EPHX3: variants seen among roughly 807,000 people sequenced by gnomAD.
The protein encoded by EPHX3 is epoxide hydrolase 3, also known as abhydrolase domain containing 9.
Under a neutral mutation model 40.2 loss-of-function variants are expected in EPHX3, and 39 were observed. The ratio of observed to expected loss-of-function variants is 0.97; its 90% confidence interval spans 0.75 to 1.27. The LOEUF (loss-of-function observed/expected upper bound fraction) is 1.27. Ranked by LOEUF, EPHX3 falls within the 50% of genes most tolerant of loss-of-function variation. The pLI is 0.00. For synonymous variants in EPHX3, 213 were observed against 209.7 expected (o/e 1.02, Z -0.14); for missense variants, 442 against 474.0 (o/e 0.93, Z 0.63).
upstream of EPHX3, chr19:15,235,555 T>C (rs2047186280): frequency 7.6e-6 from 1 of 130,866 alleles, no homozygotes; most frequent in Admixed American, 8.3e-5. Context: ...ATTTTTGCAA[T>C]GAGAACTGCA....
rs1555733580 is a variant in EPHX3, at chr19:15,231,790, G to A, written c.315C>T (p.Gly105=). 1.2e-5 allele frequency: 20 copies of A among 1,613,978 alleles called. No homozygotes were observed. The highest frequency in any genetic ancestry group is 3.3e-5 in the Admixed American group (2 of 60,028). ...GNGPLMLFLH[G]FPENWFSWRY... ...CCCAGACGTACCAGTTCTCAGGGAAGCCGTGCAGAAACAGCATGAGGGGTC... is the reference window on the plus strand; with the variant it reads ...CCCAGACGTACCAGTTCTCAGGGAAACCGTGCAGAAACAGCATGAGGGGTC... Residue 105 remains glycine, a synonymous_variant, in exon 2 of 7, where the codon GGC becomes GGT. Transcript: ENST00000221730.
chr19:15,236,760 G>A, upstream of EPHX3: 1 of 176,064 alleles, frequency 5.7e-6, no homozygotes, highest in East Asian at 9.6e-5. Flanking sequence ...TACAGAGGTG[G>A]TCTGGGGTCC....
upstream of EPHX3, chr19:15,233,535 A>G (rs937228089): frequency 1.3e-5 from 2 of 152,184 alleles, no homozygotes; most frequent in African/African-American, 4.8e-5. Context: ...ACTGATGTTC[A>G]AGCGACAGGT....
intron 4 of EPHX3, among the ~76,000 whole-genome samples, chr19:15,230,416 C>T (rs925425190): frequency 1.1e-4 from 16 of 152,242 alleles, no homozygotes; most frequent in Non-Finnish European, 1.3e-4. Flanking sequence ...AGCAATCCAC[C>T]GGCTTTGGCC....
At chr19:15,231,684 G>A (rs2047155269) in intron 2 of EPHX3, 92 bp downstream of exon 2, 34 of 1,343,204 alleles carry the variant, frequency 2.5e-5, no homozygotes, top group Non-Finnish European at 3.6e-5. Context: ...AGCTTGTCCC[G>A]ATCTATACAG....
upstream of EPHX3, among the ~76,000 whole-genome samples, chr19:15,232,715 A>T (rs2047164753): frequency 6.6e-6 from 1 of 151,992 alleles, no homozygotes; most frequent in African/African-American, 2.4e-5. Context: ...CGTCTCTACT[A>T]AAAATACAAA....
chr19:15,231,461 C>G, intron 2 of EPHX3, 65 bp from the exon 3 acceptor site: 1 of 1,552,868 alleles, frequency 6.4e-7, no homozygotes, highest in Non-Finnish European at 8.7e-7. Flanking sequence ...ACCCTACGCA[C>G]ATCAGCAACC....
chr19:15,235,346 C>G (rs970894066), upstream of EPHX3, among the ~76,000 whole-genome samples: 8 of 152,058 alleles, frequency 5.3e-5, no homozygotes, highest in African/African-American at 1.9e-4. Context: ...AATTATCTCA[C>G]AATTTGATGT....
At position 15,232,041 on chromosome 19, in the gene EPHX3, C is replaced by T. The variant is rs1463144204; in HGVS notation, c.171G>A (p.Gly57=). Residue 57 remains glycine, a synonymous_variant, in exon 1 of 7, where the codon GGG becomes GGA. Coordinates refer to ENST00000221730, the MANE Select transcript of EPHX3 (RefSeq NM_024794.3). The part of the protein sequence containing the change: ...VLCRPRRGCC[G]RRRSASPACL... ...AGGCGGGGGACGCGCTCCGACGGCGCCCGCAGCAGCCGCGCCGGGGCCGGC... is the reference window on the plus strand; with the variant it reads ...AGGCGGGGGACGCGCTCCGACGGCGTCCGCAGCAGCCGCGCCGGGGCCGGC... The T allele has an allele frequency of 1.3e-6, 2 of 1,584,178 alleles. No individual in the cohort carries two copies. The highest frequency in any genetic ancestry group is 2.3e-5 in the East Asian group (1 of 44,048).
upstream of EPHX3, among the ~76,000 whole-genome samples, chr19:15,234,858 C>G (rs547073234): frequency 2.2e-4 from 34 of 152,222 alleles, no homozygotes; most frequent in Non-Finnish European, 4.7e-4. Context: ...TGTTCTGCCT[C>G]AGTGAACAAT....
At chr19:15,235,247 C>T (rs1438778226), upstream of EPHX3, among the ~76,000 whole-genome samples, 1 of 152,122 alleles carries the variant, frequency 6.6e-6, no homozygotes. Context: ...CTCAAGCGAT[C>T]CTCCCACCCC....
upstream of EPHX3, chr19:15,236,966 G>C (rs746780898): frequency 9.9e-6 from 2 of 202,718 alleles, no homozygotes; most frequent in Non-Finnish European, 2.0e-5. Context: ...GTGGTGTAGA[G>C]TGGGTTCTCA....
At chr19:15,233,898 A>C (rs916161514), upstream of EPHX3, among the ~76,000 whole-genome samples, 7 of 152,250 alleles carry the variant, frequency 4.6e-5, no homozygotes, top group African/African-American at 1.7e-4. Context: ...GTCTCTACTA[A>C]AAATACAAAA....
chr19:15,227,986 AC>A lies in EPHX3; in HGVS notation c.720+10del, dbSNP rs756348690. The A allele has an allele frequency of 2.5e-6, 4 of 1,613,404 alleles. No individual in the cohort carries two copies. Among genetic ancestry groups the A allele is most frequent in the Non-Finnish European group, 3.4e-6 (4 of 1,179,916 alleles). On this transcript the variant is annotated intron_variant, in intron 5 of 6. Transcript: ENST00000221730. ...TGCTTCCCTCCTCCCTTCAACCTGC[AC>A]CCTCTGTACCTGAAAGTCAGACATA...
upstream of EPHX3, chr19:15,233,420 G>A (rs904784137): frequency 1.3e-5 from 2 of 152,472 alleles, no homozygotes; most frequent in Admixed American, 6.5e-5. Flanking sequence ...ACCCAGCTGT[G>A]GTTCCAACGG....
Position 15,232,024 on chromosome 19 carries a change from G to A in EPHX3, c.188C>T (p.Ser63Phe), listed in dbSNP as rs1340398959. The change falls in exon 1 of 7, where the codon TCC (serine) becomes TTC (phenylalanine). Residue 63 changes from serine (S) to phenylalanine (F), a missense_variant. Transcript: ENST00000221730. ...CGAGGGGTCGCTCAGGCAGGCGGGG[G>A]ACGCGCTCCGACGGCGCCCGCAGCA... ...RGCCGRRRSA[S>F]PACLSDPSLG... 4.4e-6 allele frequency: 7 copies of A among 1,593,552 alleles called. No individual in the cohort carries two copies. Among genetic ancestry groups the A allele is most frequent in the East Asian group, 2.3e-5 (1 of 44,410 alleles).
At chr19:15,232,742 T>C (rs1290358981), upstream of EPHX3, among the ~76,000 whole-genome samples, 1 of 151,998 alleles carries the variant, frequency 6.6e-6, no homozygotes, top group African/African-American at 2.4e-5. Context: ...CTGGGCGTGG[T>C]GGCGGGCGCC....
Position 15,231,964 on chromosome 19 carries a change from A to C in EPHX3, c.243+5T>G. On this transcript the variant is annotated splice_donor_5th_base_variant and intron_variant, in intron 1 of 6. Coordinates refer to ENST00000221730, the MANE Select transcript of EPHX3 (RefSeq NM_024794.3). The stretch of plus-strand genomic sequence containing the variant: ...GCAGCCCCGATAGCGCCCCCGTGCG[A>C]TCACCTTGAGGTTCAGGAAACCGTG... 1 of 1,612,136 alleles carries C rather than the reference A, an allele frequency of 6.2e-7. No homozygotes were observed. Among genetic ancestry groups the C allele is most frequent in the Middle Eastern group, 1.6e-4 (1 of 6,062 alleles).
In EPHX3 at chr19:15,232,126, A is replaced by G. The variant is rs571724030; in HGVS notation, c.86T>C (p.Phe29Ser). 4.5e-6 allele frequency: 7 copies of G among 1,543,254 alleles called. No homozygotes were observed. In the South Asian group the frequency reaches 8.3e-5, roughly 18 times the overall value. ...LLRAFMWSLV[F>S]SVALVAAAVY... is the part of the protein sequence containing the mutation. ...CGCCGCGGCCACCAGCGCCACCGAG[A>G]ACACCAGGCTCCACATGAAGGCGCG... The change falls in exon 1 of 7, where the codon TTC becomes TCC. Residue 29 changes from phenylalanine to serine, a missense_variant. Coordinates refer to ENST00000221730, the MANE Select transcript of EPHX3 (RefSeq NM_024794.3).
Sources: gnomAD v4.1 joint callset for allele counts (sites outside exome capture counted in the v4.1 genomes callset) on GRCh38, gnomAD v4.1.1 for gene constraint, MANE v1.5 for transcripts, NCBI Gene and HGNC (gene_info 2026-07-23, HGNC 2026-07-21) for gene names.